The following LGALS9 variants were observed in gnomAD, a reference collection of about 807,000 sequenced individuals.
The protein encoded by LGALS9 is galectin-9.
In LGALS9, 26 loss-of-function variants were observed where a neutral mutation model predicts 35.9. The observed-to-expected ratio is 0.72, with a 90% CI of 0.53 to 1.01. The LOEUF (loss-of-function observed/expected upper bound fraction) is 1.01. LGALS9 is among the 50% of genes least tolerant of loss of function. The pLI, the probability that LGALS9 is intolerant of heterozygous loss-of-function variation, is 0.00. For synonymous variants in LGALS9, 149 were observed against 172.2 expected, an observed-to-expected ratio of 0.87 and a Z score of 1.06; for missense variants, 347 against 445.8, an observed-to-expected ratio of 0.78 and a Z score of 1.99.
At chr17:27,638,875 G>C (rs1400568838) in intron 2 of LGALS9, among the ~76,000 whole-genome samples, 1 of 152,178 alleles carries the variant, frequency 6.6e-6, no homozygotes, top group African/African-American at 2.4e-5. Flanking sequence ...AAGGTGGGCT[G>C]TCTGGGAACA....
chr17:27,648,480 C>A (rs1001688839), intron 10 of LGALS9, among the ~76,000 whole-genome samples: 3 of 151,994 alleles, frequency 2.0e-5, no homozygotes, highest in Non-Finnish European at 4.4e-5. Flanking sequence ...ACATTTGTAC[C>A]CTGACTGCTT....
chr17:27,631,629 G>A (rs994659657), intron 1 of LGALS9, among the ~76,000 whole-genome samples: 4 of 152,150 alleles, frequency 2.6e-5, no homozygotes, highest in African/African-American at 9.7e-5. Flanking sequence ...ACGCTTCTGG[G>A]ACAGTAAGGA....
intron 7 of LGALS9, 46 bp from the exon 8 acceptor site, chr17:27,646,501 G>A (rs374312795): frequency 4.5e-5 from 73 of 1,611,652 alleles, no homozygotes; most frequent in Admixed American, 6.7e-5. Context: ...GAGTGCTCGC[G>A]CACCCATGTG....
chr17:27,642,095 T>A, intron 3 of LGALS9, 143 bp from the exon 4 acceptor site: 1 of 1,493,636 alleles, frequency 6.7e-7, no homozygotes, highest in Non-Finnish European at 9.0e-7. Context: ...GCACTTTGGG[T>A]CACACACACG....
intron 1 of LGALS9, among the ~76,000 whole-genome samples, chr17:27,633,443 G>A (rs1450313548): frequency 1.3e-5 from 2 of 152,224 alleles, no homozygotes; most frequent in Admixed American, 6.5e-5. Context: ...AGGCAGCGGG[G>A]CACCTTGGCT....
chr17:27,642,113 A>G (rs1428075022), intron 3 of LGALS9, 125 bp from the exon 4 acceptor site: 9 of 1,502,646 alleles, frequency 6.0e-6, no homozygotes. Flanking sequence ...ACGTTCCTGT[A>G]ACTGGCCCCA....
intron 1 of LGALS9, among the ~76,000 whole-genome samples, chr17:27,633,211 T>G (rs1439766938): frequency 2.0e-5 from 3 of 152,244 alleles, no homozygotes; most frequent in Non-Finnish European, 4.4e-5. Context: ...ACTGAACTTT[T>G]CTGTGCCTCA....
At chr17:27,633,726 G>GT (rs781027877) in intron 1 of LGALS9, among the ~76,000 whole-genome samples, 2 of 152,264 alleles carry the variant, frequency 1.3e-5, no homozygotes, top group Non-Finnish European at 2.9e-5. Context: ...GCACTGTCAT[G>GT]TCTGACATGA....
chr17:27,639,823 G>A (rs1241189764), intron 2 of LGALS9, among the ~76,000 whole-genome samples: 7 of 152,034 alleles, frequency 4.6e-5, no homozygotes, highest in African/African-American at 9.7e-5. Flanking sequence ...TACAACCTCC[G>A]CCTCCTGGGT....
intron 1 of LGALS9, among the ~76,000 whole-genome samples, chr17:27,635,948 T>A (rs895193835): frequency 1.3e-5 from 2 of 152,098 alleles, no homozygotes; most frequent in African/African-American, 2.4e-5. Context: ...GGGACAAGAA[T>A]GAGAAGTCAG....
Position 27,642,513 on chromosome 17 carries a change from C to T in LGALS9, c.444+165C>T. 5 of 1,150,824 alleles carry T rather than the reference C, an allele frequency of 4.3e-6. No individual in the cohort carries two copies. In the South Asian group the frequency reaches 8.1e-5, roughly 19 times the overall value. 71.3% of individuals were successfully genotyped at this position (1,150,824 alleles called of 1,614,324 possible). On this transcript the variant is annotated intron_variant, in intron 4 of 10. Transcript: ENST00000395473. The stretch of plus-strand genomic sequence containing the variant: ...TACCTGCCCGCCCCTTCTCCTCTGT[C>T]ACTCTGCCCCTCCTTCTGTGTTACT...
intron 1 of LGALS9, among the ~76,000 whole-genome samples, chr17:27,636,258 A>G (rs1248390846): frequency 1.3e-5 from 2 of 152,188 alleles, no homozygotes; most frequent in Non-Finnish European, 2.9e-5. Context: ...TGTTTCTTTT[A>G]ACGTTTTATT....
chr17:27,646,502 C>T, intron 7 of LGALS9, 45 bp from the exon 8 acceptor site: 1 of 1,611,920 alleles, frequency 6.2e-7, no homozygotes, highest in Non-Finnish European at 8.5e-7. Flanking sequence ...AGTGCTCGCG[C>T]ACCCATGTGC....
chr17:27,640,444 G>A, intron 2 of LGALS9, 128 bp from the exon 3 acceptor site: 1 of 1,348,900 alleles, frequency 7.4e-7, no homozygotes, highest in East Asian at 2.3e-5. Flanking sequence ...TGCCAACAAA[G>A]CAGTCTCTGC....
Position 27,649,015 on chromosome 17 carries a change from G to A in LGALS9, c.*33G>A, listed in dbSNP as rs533463329. On this transcript the variant is annotated 3_prime_UTR_variant, in exon 11 of 11. Transcript: ENST00000395473. ...CCTGGCCCTGGGGCCGGGGGCTGGG[G>A]TGTGGGGCAGTCTGGGTCCTCTCAT... The A allele has an allele frequency of 7.4e-6, 12 of 1,613,612 alleles. No individual in the cohort carries two copies. The East Asian group carries it at 2.5e-4, about 33-fold the overall frequency.
rs59673194 is a variant in LGALS9, at chr17:27,635,614, C to G, written c.40-2649C>G. Among the ~76,000 whole-genome samples the G allele has an allele frequency of 3.4e-3, 523 of 152,258 alleles. 3 individuals are homozygous for G. Among genetic ancestry groups the G allele is most frequent in the African/African-American group, 0.012 (483 of 41,554 alleles). On this transcript the variant is annotated intron_variant, in intron 1 of 10. Transcript: ENST00000395473. ...CCCGCCCCCATGATCTGTACTTCCT[C>G]TTTCTCCCTCCTGGCTTCCTTAATT...
rs373490376 is a variant in LGALS9 at position 27,647,259 on chromosome 17, G to C, written c.759-11G>C. 1.2e-4 allele frequency: 194 copies of C among 1,613,578 alleles called. No homozygotes were observed. The highest frequency in any genetic ancestry group is 1.8e-4 in the Middle Eastern group (1 of 5,690). ...CGGTGGATAAAGGTTCAGGTGGGCT[G>C]CCCACCCCAGGTTCCACATCAACCT... On this transcript the variant is annotated splice_polypyrimidine_tract_variant and intron_variant, in intron 9 of 10. Coordinates refer to ENST00000395473, the MANE Select transcript of LGALS9 (RefSeq NM_009587.3).
rs1215845816 is a variant in LGALS9, at chr17:27,647,076, A to C, written c.716A>C (p.Lys239Thr). 2 of 1,613,998 alleles carry C rather than the reference A, an allele frequency of 1.2e-6. No individual in the cohort carries two copies. The highest frequency in any genetic ancestry group is 1.7e-6 in the Non-Finnish European group (2 of 1,180,004). The change falls in exon 9 of 11, where the codon AAG (lysine) becomes ACG (threonine). Residue 239 changes from lysine to threonine, a missense_variant. Coordinates refer to ENST00000395473, the MANE Select transcript of LGALS9 (RefSeq NM_009587.3). Reference sequence around the variant, plus strand: ...ATTCTGGGAGGGCTGTACCCATCCAAGTCCATCCTCCTGTCAGGCACTGTC... The same window carrying C: ...ATTCTGGGAGGGCTGTACCCATCCACGTCCATCCTCCTGTCAGGCACTGTC... ...TTILGGLYPS[K>T]SILLSGTVLP...
intron 2 of LGALS9, among the ~76,000 whole-genome samples, chr17:27,639,273 C>T (rs547041410): frequency 6.6e-6 from 1 of 152,306 alleles, no homozygotes; most frequent in South Asian, 2.1e-4. Flanking sequence ...AGGCCCCGAT[C>T]TCCCTGAACC....
Sources: allele counts gnomAD v4.1 joint callset (sites outside exome capture counted in the v4.1 genomes callset), GRCh38; gene constraint gnomAD v4.1.1; transcripts MANE v1.5; gene names NCBI Gene and HGNC (gene_info 2026-07-23, HGNC 2026-07-21).